SYTL5: variants seen among roughly 807,000 people sequenced by gnomAD.
The protein encoded by SYTL5 is synaptotagmin-like protein 5.
In SYTL5, 34 loss-of-function variants were observed where a neutral mutation model predicts 55.9. That is an observed-to-expected ratio of 0.61 (90% CI 0.46 to 0.81). The LOEUF (loss-of-function observed/expected upper bound fraction) is 0.81, where lower values mean the gene tolerates loss of function less well. Among genes scored for constraint, SYTL5 ranks in the 30% least tolerant of loss-of-function variants. SYTL5 has a pLI of 0.00. For missense variants in SYTL5, 637 were observed against 546.7 expected (o/e 1.17, Z -1.65); for synonymous variants, 221 against 188.7 (o/e 1.17, Z -1.40).
chrX:38,074,930 A>G (rs978776922), intron 5 of SYTL5, among the ~76,000 whole-genome samples: 1 of 110,736 alleles, frequency 9.0e-6, no homozygotes, highest in Non-Finnish European at 1.9e-5. Context: ...ACACACACAC[A>G]CACATGCACA....
At chrX:37,983,458 A>G in the SYTL5 span, among the ~76,000 whole-genome samples, 941 of 112,523 alleles carry the variant, frequency 8.4e-3, 6 homozygotes, top group Middle Eastern at 0.018. Flanking sequence ...AAATGATAAA[A>G]GGGTCAACCC....
chrX:37,998,310 A>T, the SYTL5 span, among the ~76,000 whole-genome samples: 1 of 112,349 alleles, frequency 8.9e-6, no homozygotes, highest in East Asian at 2.8e-4. Context: ...AAAGAGAAAG[A>T]GAGAAGAGTT....
chrX:38,114,118 CCT>C (rs1169675642), intron 13 of SYTL5, among the ~76,000 whole-genome samples: 2 of 111,451 alleles, frequency 1.8e-5, no homozygotes, highest in African/African-American at 6.5e-5. Context: ...TCTGGGAAAC[CCT>C]GAGTTGACAC....
At chrX:37,985,813 A>G in the SYTL5 span, among the ~76,000 whole-genome samples, 19,964 of 111,218 alleles carry the variant, frequency 0.18, 2,924 homozygotes, top group African/African-American at 0.49. Context: ...TGGAACTGGT[A>G]TAAACATAGA....
At chrX:37,957,176 G>A in the SYTL5 span, among the ~76,000 whole-genome samples, 1 of 111,510 alleles carries the variant, frequency 9.0e-6, no homozygotes, top group Non-Finnish European at 1.9e-5. Flanking sequence ...TTATATATTT[G>A]TATATTCGCC....
intron 3 of SYTL5, among the ~76,000 whole-genome samples, chrX:38,064,411 C>T (rs1421161960): frequency 9.0e-6 from 1 of 111,355 alleles, no homozygotes; most frequent in African/African-American, 3.3e-5. Flanking sequence ...CCTATAGTTT[C>T]AATTTGCATT....
chrX:38,028,052 C>T (rs1202559055), intron 1 of SYTL5, among the ~76,000 whole-genome samples: 3 of 110,954 alleles, frequency 2.7e-5, no homozygotes, highest in Non-Finnish European at 5.7e-5. Context: ...TTTCAAACTC[C>T]TGACCTTGTG....
At chrX:37,907,513 T>C in the SYTL5 span, among the ~76,000 whole-genome samples, 1 of 112,362 alleles carries the variant, frequency 8.9e-6, no homozygotes, top group Non-Finnish European at 1.9e-5. Flanking sequence ...TCTGATAACA[T>C]AACTCCTCTA....
the SYTL5 span, among the ~76,000 whole-genome samples, chrX:37,989,873 A>G: frequency 9.4e-4 from 103 of 109,093 alleles, no homozygotes; most frequent in East Asian, 0.025. Context: ...TGAACATCTT[A>G]TTATTATTAT....
the SYTL5 span, among the ~76,000 whole-genome samples, chrX:37,888,930 C>CA: frequency 0.053 from 2,888 of 53,986 alleles, 99 homozygotes; most frequent in Admixed American, 0.2. Context: ...GACTCTGTCT[C>CA]AAAAAAAAAA....
the SYTL5 span, among the ~76,000 whole-genome samples, chrX:37,931,961 CTG>C: frequency 9.0e-6 from 1 of 111,281 alleles, no homozygotes. Context: ...TAGTCAGTCA[CTG>C]TTAAAATTTA....
chrX:37,906,182 T>C, the SYTL5 span: 1 of 112,148 alleles, frequency 8.9e-6, no homozygotes, highest in African/African-American at 3.2e-5. Context: ...TGCTTACTGT[T>C]TGGGGGACTC....
chrX:38,053,329 G>C (rs1320721574), intron 2 of SYTL5, among the ~76,000 whole-genome samples: 2 of 112,592 alleles, frequency 1.8e-5, no homozygotes, highest in Admixed American at 9.4e-5. Context: ...GCAGCATGCT[G>C]GGAACTTTAC....
chrX:38,089,692 C>T, intron 7 of SYTL5, 105 bp downstream of exon 7: 2 of 888,793 alleles, frequency 2.3e-6, no homozygotes, highest in South Asian at 2.6e-5. Context: ...TTAATTGACT[C>T]ACAGTTCTGC....
the SYTL5 span, among the ~76,000 whole-genome samples, chrX:37,947,215 A>G: frequency 6.3e-5 from 7 of 111,373 alleles, no homozygotes; most frequent in East Asian, 2.8e-4. Flanking sequence ...CTTTGTGAAC[A>G]TTCCTGTGCA....
intron 3 of SYTL5, among the ~76,000 whole-genome samples, chrX:38,071,751 C>T (rs1040278349): frequency 2.7e-5 from 3 of 111,788 alleles, no homozygotes; most frequent in African/African-American, 9.8e-5. Context: ...TGATATGAGG[C>T]ACATTATTTT....
At chrX:38,034,873 A>T (rs752915146) in intron 2 of SYTL5, among the ~76,000 whole-genome samples, 1 of 112,376 alleles carries the variant, frequency 8.9e-6, no homozygotes, top group East Asian at 2.8e-4. Context: ...AAAAAGGAGC[A>T]GAAATAGTGT....
At chrX:38,081,841 C>T (rs1456305468) in intron 6 of SYTL5, among the ~76,000 whole-genome samples, 3 of 111,468 alleles carry the variant, frequency 2.7e-5, no homozygotes, top group Non-Finnish European at 5.7e-5. Flanking sequence ...CTGGCACTTC[C>T]GACTTGCCCT....
chrX:38,030,266 C>G (rs1434651910), intron 1 of SYTL5, among the ~76,000 whole-genome samples: 1 of 111,499 alleles, frequency 9.0e-6, no homozygotes, highest in Non-Finnish European at 1.9e-5. Context: ...TTCTGACCCC[C>G]CAAAAGTGAA....
Sources: gnomAD v4.1 joint callset for allele counts (sites outside exome capture counted in the v4.1 genomes callset) on GRCh38, gnomAD v4.1.1 for gene constraint, MANE v1.5 for transcripts, NCBI Gene and HGNC (gene_info 2026-07-23, HGNC 2026-07-21) for gene names.